The following FSTL5 variants were observed in gnomAD, a reference collection of about 807,000 sequenced individuals.
FSTL5 encodes follistatin like 5, also known as follistatin-related protein 5.
Under a neutral mutation model 89.1 loss-of-function variants are expected in FSTL5, and 62 were observed. The observed-to-expected ratio is 0.70, with a 90% confidence interval of 0.57 to 0.86. The LOEUF is 0.86. Among genes scored for constraint, FSTL5 ranks in the 40% least tolerant of loss-of-function variants. The pLI, the probability that FSTL5 is intolerant of heterozygous loss-of-function variation, is 0.00. For missense variants in FSTL5, 1,057 were observed against 1,001.6 expected, an observed-to-expected ratio of 1.06 and a Z score of -0.75; for synonymous variants, 383 against 346.2, an observed-to-expected ratio of 1.11 and a Z score of -1.18.
chr4:161,392,951 G>T (rs950322804), intron 15 of FSTL5, among the ~76,000 whole-genome samples: 1 of 152,044 alleles, frequency 6.6e-6, no homozygotes, highest in Non-Finnish European at 1.5e-5. Context: ...ATCACTTGAG[G>T]CCAGGCATTC....
chr4:161,648,078 T>G (rs1282326222), intron 7 of FSTL5, among the ~76,000 whole-genome samples: 1 of 152,066 alleles, frequency 6.6e-6, no homozygotes, highest in Non-Finnish European at 1.5e-5. Context: ...CTGAGAGCTA[T>G]TTCCACTCAA....
chr4:161,644,560 A>G (rs1170850097), intron 7 of FSTL5, among the ~76,000 whole-genome samples: 2 of 152,118 alleles, frequency 1.3e-5, no homozygotes, highest in Non-Finnish European at 2.9e-5. Context: ...TAATAAAACA[A>G]TGGAATCAGA....
At chr4:162,071,382 A>G (rs987132940) in intron 2 of FSTL5, among the ~76,000 whole-genome samples, 3 of 151,706 alleles carry the variant, frequency 2.0e-5, no homozygotes, top group Admixed American at 6.6e-5. Context: ...AAGTAAAAAA[A>G]CACAAATGAA....
At chr4:161,990,509 C>T (rs1474389260) in intron 3 of FSTL5, among the ~76,000 whole-genome samples, 2 of 151,888 alleles carry the variant, frequency 1.3e-5, no homozygotes, top group Non-Finnish European at 2.9e-5. Context: ...TAATACATAG[C>T]TGAAAATATA....
intron 15 of FSTL5, among the ~76,000 whole-genome samples, chr4:161,394,038 A>G (rs1037211556): frequency 6.6e-6 from 1 of 152,166 alleles, no homozygotes; most frequent in African/African-American, 2.4e-5. Context: ...GTGAAAAACT[A>G]AAGTCTAGTT....
At chr4:161,881,263 CA>C (rs1732622194) in intron 4 of FSTL5, among the ~76,000 whole-genome samples, 1 of 149,934 alleles carries the variant, frequency 6.7e-6, no homozygotes, top group African/African-American at 2.4e-5. Flanking sequence ...TATTTCAATT[CA>C]ACATTTTGTT....
intron 4 of FSTL5, among the ~76,000 whole-genome samples, chr4:161,906,448 C>A (rs577994067): frequency 6.6e-6 from 1 of 151,958 alleles, no homozygotes; most frequent in Non-Finnish European, 1.5e-5. Context: ...GCTTTTTATG[C>A]GCTTAACAGT....
chr4:162,141,160 A>G (rs1188730664), intron 1 of FSTL5, among the ~76,000 whole-genome samples: 1 of 96,228 alleles, frequency 1.0e-5, no homozygotes, highest in Non-Finnish European at 1.9e-5. Context: ...TCTGTCGCCC[A>G]GGCTGGAGTG....
intron 1 of FSTL5, among the ~76,000 whole-genome samples, chr4:162,118,548 G>C (rs189489721): frequency 1.1e-4 from 16 of 152,234 alleles, no homozygotes; most frequent in Admixed American, 1.0e-3. Context: ...GGCGTGAGAA[G>C]AGTCCAGTTT....
chr4:161,542,720 G>T, intron 8 of FSTL5, 27 bp from the exon 9 acceptor site: 1 of 1,364,298 alleles, frequency 7.3e-7, no homozygotes, highest in Non-Finnish European at 9.6e-7. Context: ...AAGAGAAAGT[G>T]AATTAGTGAT....
intron 4 of FSTL5, among the ~76,000 whole-genome samples, chr4:161,906,771 C>A (rs1733541268): frequency 6.6e-6 from 1 of 152,046 alleles, no homozygotes; most frequent in Admixed American, 6.6e-5. Context: ...ATTTGTATTT[C>A]TTTCTTCATT....
At chr4:161,399,290 T>G (rs1158111787) in intron 15 of FSTL5, among the ~76,000 whole-genome samples, 2 of 152,152 alleles carry the variant, frequency 1.3e-5, no homozygotes, top group African/African-American at 4.8e-5. Context: ...AAGAGCCTAC[T>G]GCTGACCTGA....
intron 4 of FSTL5, among the ~76,000 whole-genome samples, chr4:161,790,354 G>A (rs1040064515): frequency 7.2e-5 from 11 of 152,198 alleles, no homozygotes; most frequent in African/African-American, 2.4e-4. Flanking sequence ...AGCCTTTGAG[G>A]AAAGAAGAAA....
chr4:161,632,307 G>A (rs1357854229), intron 7 of FSTL5, among the ~76,000 whole-genome samples: 1 of 152,158 alleles, frequency 6.6e-6, no homozygotes, highest in East Asian at 1.9e-4. Flanking sequence ...TTGAACCCGG[G>A]TGGCAGAGGT....
chr4:162,133,003 C>G (rs1732367364), intron 1 of FSTL5, among the ~76,000 whole-genome samples: 1 of 152,022 alleles, frequency 6.6e-6, no homozygotes, highest in Non-Finnish European at 1.5e-5. Context: ...AGTGCAGTGG[C>G]GCAATCTCGG....
chr4:162,079,107 G>A (rs1159601441), intron 2 of FSTL5, among the ~76,000 whole-genome samples: 2 of 151,700 alleles, frequency 1.3e-5, no homozygotes, highest in African/African-American at 4.8e-5. Flanking sequence ...CTCTATACCT[G>A]TTGCAAATAT....
intron 15 of FSTL5, among the ~76,000 whole-genome samples, chr4:161,452,038 C>T (rs1047034741): frequency 6.6e-6 from 1 of 152,182 alleles, no homozygotes; most frequent in African/African-American, 2.4e-5. Flanking sequence ...ATTAATTCAA[C>T]ACATGTTTCA....
At chr4:161,512,933 C>T (rs1422661818) in intron 10 of FSTL5, among the ~76,000 whole-genome samples, 1 of 151,910 alleles carries the variant, frequency 6.6e-6, no homozygotes, top group Non-Finnish European at 1.5e-5. Flanking sequence ...GATTGTTTTA[C>T]TACACAAACA....
intron 6 of FSTL5, among the ~76,000 whole-genome samples, chr4:161,747,473 T>G (rs1740240572): frequency 6.6e-6 from 1 of 152,366 alleles, no homozygotes; most frequent in South Asian, 2.1e-4. Context: ...TCATTAATGC[T>G]AATTAAGCAA....
Sources: gnomAD v4.1 joint callset for allele counts (sites outside exome capture counted in the v4.1 genomes callset) on GRCh38, gnomAD v4.1.1 for gene constraint, MANE v1.5 for transcripts, NCBI Gene and HGNC (gene_info 2026-07-23, HGNC 2026-07-21) for gene names.